Variants in IPO13 observed in about 807,000 individuals in gnomAD.
The protein encoded by IPO13 is importin 13, also known as importin-13.
Under a neutral mutation model 115.5 loss-of-function variants are expected in IPO13, and 28 were observed. The observed-to-expected ratio is 0.24, with a 90% CI of 0.18 to 0.33. The LOEUF (loss-of-function observed/expected upper bound fraction) is 0.33. IPO13 is among the 10% of genes least tolerant of loss of function. The probability of loss-of-function intolerance (pLI) is 1.00; values close to 1 mark genes in which losing one functional copy is unlikely to be tolerated. For synonymous variants in IPO13, 414 were observed against 478.9 expected (o/e 0.86, Z 1.77); for missense variants, 785 against 1,204.6 (o/e 0.65, Z 5.16).
rs1456527217 is a variant in IPO13 at position 43,961,004 on chromosome 1, C to G, written c.2238C>G (p.Leu746=). 6.2e-7 allele frequency: 1 copy of G among 1,614,054 alleles called. No homozygotes were observed. The highest frequency in any genetic ancestry group is 8.5e-7 in the Non-Finnish European group (1 of 1,180,006). The part of the protein sequence containing the change: ...STIPQASALD[L]TRQLVHIFAH... ...TCCCCCAGGCCTCTGCTCTTGACCTCACTCGACAGGTGGGCCTTCTGGTTG... is the reference window on the plus strand; with the variant it reads ...TCCCCCAGGCCTCTGCTCTTGACCTGACTCGACAGGTGGGCCTTCTGGTTG... The change falls in exon 13 of 20, where the codon CTC becomes CTG. Residue 746 remains leucine (L), a synonymous_variant. Coordinates refer to ENST00000372343, the MANE Select transcript of IPO13 (RefSeq NM_014652.4).
Position 43,966,707 on chromosome 1 carries a change from C to T in IPO13, c.2465-17C>T, listed in dbSNP as rs1557636254. 6.2e-7 allele frequency: 1 copy of T among 1,614,188 alleles called. No homozygotes were observed. On this transcript the variant is annotated splice_polypyrimidine_tract_variant and intron_variant, in intron 16 of 19. Coordinates refer to ENST00000372343, the MANE Select transcript of IPO13 (RefSeq NM_014652.4). The surrounding 1 kb of genome is among the most constrained non-coding windows in gnomAD (Gnocchi z 4.1). Reference sequence around the variant, plus strand: ...TAGAAGGATCGTTAAACTGATCTGCCTCTGCCTTTCCCACAGCTGTGCTGG... The same window carrying T: ...TAGAAGGATCGTTAAACTGATCTGCTTCTGCCTTTCCCACAGCTGTGCTGG...
chr1:43,954,921 G>GT (rs1395413864), intron 2 of IPO13, among the ~76,000 whole-genome samples: 2 of 152,160 alleles, frequency 1.3e-5, no homozygotes, highest in Non-Finnish European at 2.9e-5. Context: ...CCTATCAGGT[G>GT]TCTCTGAATC....
At chr1:43,949,361 G>T in intron 1 of IPO13, 56 bp from the exon 2 acceptor site, 2 of 1,519,920 alleles carry the variant, frequency 1.3e-6, no homozygotes. Context: ...CTCTGTTCTG[G>T]GCTCTGGCAG....
intron 2 of IPO13, among the ~76,000 whole-genome samples, chr1:43,951,311 T>A (rs1178398972): frequency 6.6e-6 from 1 of 152,146 alleles, no homozygotes; most frequent in Non-Finnish European, 1.5e-5. Context: ...ACATGATGAA[T>A]CCTCTGATGG....
chr1:43,949,510 C>G lies in IPO13; in HGVS notation c.178C>G (p.His60Asp), dbSNP rs2154302024. Residue 60 changes from histidine (H) to aspartate (D), a missense_variant, in exon 2 of 20, where the codon CAC becomes GAC. His to Asp is a moderately conservative substitution (Grantham distance 81). This residue lies in a region of IPO13 where 325 missense variants were observed against 449.8 expected (regional missense o/e 0.72). Transcript: ENST00000372343. Reference protein sequence around the residue: ...MQAQVSPQAWHFSWQLLQPDK... With the variant: ...MQAQVSPQAWDFSWQLLQPDK... ...GGCCCAGGTCTCCCCACAGGCCTGG[C>G]ACTTCAGCTGGCAGCTACTGCAGCC... 1 of 1,614,166 alleles carries G rather than the reference C, an allele frequency of 6.2e-7. No homozygotes were observed. Among genetic ancestry groups the G allele is most frequent in the South Asian group, 1.1e-5 (1 of 91,082 alleles).
chr1:43,963,102 T>C (rs2085300866), intron 14 of IPO13, among the ~76,000 whole-genome samples: 1 of 152,186 alleles, frequency 6.6e-6, no homozygotes. Flanking sequence ...GGGACAGACT[T>C]TATTGGTGAC....
chr1:43,961,691 C>T (rs960112200), intron 14 of IPO13, among the ~76,000 whole-genome samples: 9 of 152,238 alleles, frequency 5.9e-5, no homozygotes, highest in Non-Finnish European at 1.3e-4. Flanking sequence ...CTTACCTTTG[C>T]TGGGCCTTCA....
rs1337422449 is a variant in IPO13, at chr1:43,959,690, T to A, written c.2029-559T>A. On this transcript the variant is annotated intron_variant, in intron 11 of 19. Coordinates refer to ENST00000372343, the MANE Select transcript of IPO13 (RefSeq NM_014652.4). ...CTTAACTCCCCAACCCAGTTTCAGT[T>A]AGCCTCTTGGCTTTAGACCACCCCT... Among the ~76,000 whole-genome samples, 3 of 152,336 alleles carry A rather than the reference T, an allele frequency of 2.0e-5. No individual in the cohort carries two copies. In the East Asian group the frequency reaches 5.8e-4, roughly 29 times the overall value.
At chr1:43,955,595 G>A (rs1040786783) in intron 2 of IPO13, among the ~76,000 whole-genome samples, 3 of 152,036 alleles carry the variant, frequency 2.0e-5, no homozygotes, top group Non-Finnish European at 2.9e-5. Context: ...TCATCCTCAC[G>A]TGGCATTCTC....
At chr1:43,961,362 C>G (rs2085289415) in intron 14 of IPO13, 100 bp downstream of exon 14, 3 of 931,228 alleles carry the variant, frequency 3.2e-6, no homozygotes, top group Admixed American at 3.4e-5. Context: ...TCTCTGTCCC[C>G]TGAGTCACAC....
At chr1:43,963,891 T>C (rs1421152932) in intron 14 of IPO13, among the ~76,000 whole-genome samples, 1 of 150,614 alleles carries the variant, frequency 6.6e-6, no homozygotes, top group African/African-American at 2.4e-5. Context: ...TGATGGGAGG[T>C]ATGTGCTAGG....
Position 43,967,617 on chromosome 1 carries a change from A to T in IPO13, c.2827A>T (p.Met943Leu), listed in dbSNP as rs1367123392. Reference sequence around the variant, plus strand: ...AGTGAACAAGAGGCGGGTGAAGGAGATGGTGAAGGAGTTCACACTGCTGTG... The same window carrying T: ...AGTGAACAAGAGGCGGGTGAAGGAGTTGGTGAAGGAGTTCACACTGCTGTG... The part of the protein sequence containing the change: ...ERVNKRRVKE[M>L]VKEFTLLCRG... The change falls in exon 20 of 20, where the codon ATG becomes TTG. Residue 943 changes from methionine (M) to leucine (L), a missense_variant. Around this residue, in one of 3 missense-constraint regions of IPO13, gnomAD observed 285 missense variants for 394.8 expected, o/e 0.72. Coordinates refer to ENST00000372343, the MANE Select transcript of IPO13 (RefSeq NM_014652.4). This position sits in a 1 kb window ranked among gnomAD's most constrained non-coding sequence, Gnocchi z 6.1. 6.2e-7 allele frequency: 1 copy of T among 1,614,154 alleles called. No homozygotes were observed.
In IPO13 at chr1:43,952,335, A is replaced by G. The variant is rs914578878; in HGVS notation, c.821+2182A>G. On this transcript the variant is annotated intron_variant, in intron 2 of 19. Transcript: ENST00000372343. This position sits in a 1 kb window ranked among gnomAD's most constrained non-coding sequence, Gnocchi z 4.7. ...CAGGCGTGCATCACCACGCCCAGCT[A>G]ATTTTTGTATTTTTAGTAGAAACGG... 2.4e-4 allele frequency among the ~76,000 whole-genome samples: 36 copies of G among 152,082 alleles called. No individual in the cohort carries two copies. Among genetic ancestry groups the G allele is most frequent in the African/African-American group, 8.0e-4 (33 of 41,466 alleles).
intron 14 of IPO13, among the ~76,000 whole-genome samples, chr1:43,961,996 AAC>A (rs912627838): frequency 2.0e-5 from 3 of 152,006 alleles, no homozygotes; most frequent in Non-Finnish European, 2.9e-5. Flanking sequence ...GAGAAACAAA[AAC>A]AAAAAAACAG....
At chr1:43,964,161 T>C (rs1313609016) in intron 14 of IPO13, 108 bp from the exon 15 acceptor site, 2 of 723,996 alleles carry the variant, frequency 2.8e-6, no homozygotes, top group Non-Finnish European at 4.8e-6. Flanking sequence ...CTGCTGCTCA[T>C]GTGCCCCCAC....
intron 11 of IPO13, 112 bp from the exon 12 acceptor site, chr1:43,960,137 T>A: frequency 1.1e-6 from 1 of 910,646 alleles, no homozygotes; most frequent in East Asian, 2.4e-5. Flanking sequence ...CCTCAATGTG[T>A]GTTCTGGGGT....
At chr1:43,951,752 A>G (rs1454874807) in intron 2 of IPO13, among the ~76,000 whole-genome samples, 1 of 152,230 alleles carries the variant, frequency 6.6e-6, no homozygotes, top group Non-Finnish European at 1.5e-5. Context: ...GACCTTTGGC[A>G]GAATTGGAAG....
intron 1 of IPO13, among the ~76,000 whole-genome samples, chr1:43,947,952 T>C (rs549278418): frequency 6.6e-6 from 1 of 152,330 alleles, no homozygotes; most frequent in Non-Finnish European, 1.5e-5. Context: ...CCGTCCAGAC[T>C]GGCTATGTTC....
rs1210787608 is a variant in IPO13 at position 43,959,463 on chromosome 1, A to G, written c.2028+574A>G. On this transcript the variant is annotated intron_variant, in intron 11 of 19. Transcript: ENST00000372343. ...GATCTGGGGCAAGCCTCAGCTTCCC[A>G]TTAAAAACTATGAACATTGAAATGT... is the stretch of plus-strand genomic sequence containing the variant. Among the ~76,000 whole-genome samples, 3 of 152,356 alleles carry G rather than the reference A, an allele frequency of 2.0e-5. No homozygotes were observed. In the East Asian group the frequency reaches 5.8e-4, roughly 29 times the overall value.
Sources: gnomAD v4.1 joint callset for allele counts (sites outside exome capture counted in the v4.1 genomes callset) on GRCh38, gnomAD v4.1.1 for gene constraint, gnomAD v4.1.1 regional missense constraint, Gnocchi (gnomAD v3.1) non-coding constraint, MANE v1.5 for transcripts, NCBI Gene and HGNC (gene_info 2026-07-23, HGNC 2026-07-21) for gene names.